PRKCB: variants seen among roughly 807,000 people sequenced by gnomAD.
PRKCB encodes protein kinase C beta type.
PRKCB carries 13 observed loss-of-function variants against 81.5 expected under a neutral mutation model. The ratio of observed to expected loss-of-function variants is 0.16; its 90% CI spans 0.10 to 0.25. The LOEUF is 0.25. Among genes scored for constraint, PRKCB ranks in the 10% least tolerant of loss-of-function variants. The pLI, the probability that PRKCB is intolerant of heterozygous loss-of-function variation, is 1.00. For synonymous variants in PRKCB, 335 were observed against 321.4 expected, an observed-to-expected ratio of 1.04 and a Z score of -0.45; for missense variants, 509 against 875.7, an observed-to-expected ratio of 0.58 and a Z score of 5.29.
At chr16:24,055,212 A>G (rs547845370) in intron 5 of PRKCB, among the ~76,000 whole-genome samples, 1 of 152,308 alleles carries the variant, frequency 6.6e-6, no homozygotes, top group African/African-American at 2.4e-5. Flanking sequence ...TCCACCCACC[A>G]AAGGCCTCTT....
intron 3 of PRKCB, among the ~76,000 whole-genome samples, chr16:24,021,055 T>TG (rs1965367994): frequency 3.6e-5 from 2 of 55,950 alleles, no homozygotes; most frequent in Non-Finnish European, 6.9e-5. Flanking sequence ...TCTTTCTTTC[T>TG]TTCCCTCCCT....
intron 5 of PRKCB, among the ~76,000 whole-genome samples, chr16:24,068,379 G>T (rs1165897953): frequency 1.3e-5 from 2 of 151,636 alleles, no homozygotes; most frequent in African/African-American, 4.9e-5. Flanking sequence ...CCAAGAATAA[G>T]CTTCAAGCTC....
chr16:24,075,530 TG>T (rs1966166392), intron 5 of PRKCB, among the ~76,000 whole-genome samples: 1 of 152,242 alleles, frequency 6.6e-6, no homozygotes, highest in Non-Finnish European at 1.5e-5. Flanking sequence ...TGTGTTCTCT[TG>T]CTGATTCAGT....
At chr16:24,090,086 A>G (rs1966359606) in intron 5 of PRKCB, among the ~76,000 whole-genome samples, 4 of 152,138 alleles carry the variant, frequency 2.6e-5, no homozygotes, top group African/African-American at 4.8e-5. Context: ...CAAGATTAAC[A>G]TTTTATTTTG....
At chr16:24,134,214 C>T (rs190820008) in intron 9 of PRKCB, among the ~76,000 whole-genome samples, 13 of 152,218 alleles carry the variant, frequency 8.5e-5, no homozygotes. Context: ...ACTACTCTTT[C>T]CTCTTCCTTT....
At chr16:24,159,889 G>T (rs1337792498) in intron 10 of PRKCB, among the ~76,000 whole-genome samples, 1 of 152,130 alleles carries the variant, frequency 6.6e-6, no homozygotes, top group East Asian at 1.9e-4. Context: ...GGAGGCTGTG[G>T]TGGGAGGGTC....
In PRKCB at chr16:24,134,836, C is replaced by G. The variant is rs1031310817; in HGVS notation, c.1065+10855C>G. Among the ~76,000 whole-genome samples the G allele has an allele frequency of 4.6e-5, 7 of 151,980 alleles. No individual in the cohort carries two copies. In the South Asian group the frequency reaches 1.5e-3, roughly 32 times the overall value. Reference sequence around the variant, plus strand: ...CTGGGGCAGGAAGAGAGGTTGAGCCCAGGAGTTCGAGGCTGAAGTGGCTAT... The same window carrying G: ...CTGGGGCAGGAAGAGAGGTTGAGCCGAGGAGTTCGAGGCTGAAGTGGCTAT... On this transcript the variant is annotated intron_variant, in intron 9 of 16. Coordinates refer to ENST00000643927, the MANE Select transcript of PRKCB (RefSeq NM_002738.7).
intron 3 of PRKCB, among the ~76,000 whole-genome samples, chr16:24,030,796 G>A (rs939699121): frequency 2.0e-5 from 3 of 152,030 alleles, no homozygotes; most frequent in Non-Finnish European, 4.4e-5. Flanking sequence ...TACTCGGGAG[G>A]CTGAGACAGA....
chr16:24,134,674 G>A (rs1033195561), intron 9 of PRKCB, among the ~76,000 whole-genome samples: 1 of 152,146 alleles, frequency 6.6e-6, no homozygotes, highest in South Asian at 2.1e-4. Context: ...ACCTGAACCT[G>A]GGAGTCAGAG....
At chr16:24,038,560 C>A (rs947721518) in intron 5 of PRKCB, among the ~76,000 whole-genome samples, 1 of 152,218 alleles carries the variant, frequency 6.6e-6, no homozygotes, top group Non-Finnish European at 1.5e-5. Flanking sequence ...TGTCACAATG[C>A]CCTGCAATTG....
chr16:24,161,307 C>T (rs181452453), intron 10 of PRKCB, among the ~76,000 whole-genome samples: 6 of 152,072 alleles, frequency 3.9e-5, no homozygotes, highest in Non-Finnish European at 5.9e-5. Flanking sequence ...ATGCACAGCA[C>T]GGTGTTAACA....
intron 2 of PRKCB, among the ~76,000 whole-genome samples, chr16:23,952,281 C>G (rs1441912771): frequency 6.6e-6 from 1 of 152,162 alleles, no homozygotes; most frequent in Admixed American, 6.5e-5. Context: ...AGAGAGCCTC[C>G]GCCTCTTTGA....
chr16:24,048,234 A>C (rs1216576930), intron 5 of PRKCB, among the ~76,000 whole-genome samples: 4 of 152,238 alleles, frequency 2.6e-5, no homozygotes, highest in African/African-American at 9.6e-5. Context: ...CTGTAGTCCC[A>C]GCTACTTGGG....
intron 2 of PRKCB, among the ~76,000 whole-genome samples, chr16:23,920,742 A>G (rs1047977082): frequency 2.0e-5 from 3 of 152,206 alleles, no homozygotes; most frequent in African/African-American, 7.2e-5. Flanking sequence ...GAAGGGGAAG[A>G]ACAGCCCTTC....
At chr16:23,935,416 C>T (rs781068393) in intron 2 of PRKCB, among the ~76,000 whole-genome samples, 3 of 152,176 alleles carry the variant, frequency 2.0e-5, no homozygotes, top group Non-Finnish European at 2.9e-5. Context: ...TTCTCTCCTG[C>T]CATCCCCCAG....
At chr16:24,174,018 G>C (rs11865796) in intron 11 of PRKCB, among the ~76,000 whole-genome samples, 15,649 of 151,534 alleles carry the variant, frequency 0.1, 897 homozygotes, top group East Asian at 0.19. Context: ...CTCTTTTTTG[G>C]GGGGGTGGGG....
chr16:24,036,012 A>G (rs1030113512), intron 5 of PRKCB, among the ~76,000 whole-genome samples: 13 of 152,196 alleles, frequency 8.5e-5, no homozygotes, highest in African/African-American at 2.9e-4. Flanking sequence ...GGAGAATATA[A>G]TATCTTGGGA....
chr16:24,066,069 A>G (rs988110704), intron 5 of PRKCB, among the ~76,000 whole-genome samples: 15 of 123,306 alleles, frequency 1.2e-4, no homozygotes, highest in African/African-American at 4.4e-4. Context: ...TGTGACTGTG[A>G]TGTTCCTGTG....
At chr16:24,099,933 A>C (rs1465238450) in intron 7 of PRKCB, 1 of 149,192 alleles carries the variant, frequency 6.7e-6, no homozygotes, top group African/African-American at 2.5e-5. Flanking sequence ...AGATCCCGCC[A>C]CTACACCCAG....
Sources: allele counts gnomAD v4.1 joint callset (sites outside exome capture counted in the v4.1 genomes callset), GRCh38; gene constraint gnomAD v4.1.1; transcripts MANE v1.5; gene names NCBI Gene and HGNC (gene_info 2026-07-23, HGNC 2026-07-21).